ARMH4: variants seen among roughly 807,000 people sequenced by gnomAD.
The protein encoded by ARMH4 is armadillo-like helical domain-containing protein 4.
Under a neutral mutation model 61.9 loss-of-function variants are expected in ARMH4, and 49 were observed. That is an observed-to-expected ratio of 0.79 (90% CI 0.63 to 1.00). The LOEUF is 1.00. Ranked by LOEUF, ARMH4 falls within the 50% of genes least tolerant of loss-of-function variation. The probability of loss-of-function intolerance (pLI) is 0.00; values close to 1 mark genes in which losing one functional copy is unlikely to be tolerated. For missense variants in ARMH4, 934 were observed against 930.0 expected, an observed-to-expected ratio of 1.00 and a Z score of -0.06; for synonymous variants, 368 against 341.5, an observed-to-expected ratio of 1.08 and a Z score of -0.85.
At chr14:58,093,650 CAG>C (rs1885647589) in intron 5 of ARMH4, among the ~76,000 whole-genome samples, 1 of 152,166 alleles carries the variant, frequency 6.6e-6, no homozygotes, top group Non-Finnish European at 1.5e-5. Flanking sequence ...TACCTGACCT[CAG>C]AGTCTTTAGT....
chr14:58,031,288 A>G (rs900527407), intron 5 of ARMH4, among the ~76,000 whole-genome samples: 1 of 152,220 alleles, frequency 6.6e-6, no homozygotes, highest in Non-Finnish European at 1.5e-5. Flanking sequence ...ATATACTTTT[A>G]TGAGTTGCCT....
At chr14:58,141,187 T>A in intron 1 of ARMH4, 1 of 260,652 alleles carries the variant, frequency 3.8e-6, no homozygotes, top group South Asian at 4.5e-5. Flanking sequence ...CAGTTACTTT[T>A]AAGAGTTTTT....
intron 5 of ARMH4, among the ~76,000 whole-genome samples, chr14:58,013,850 C>A (rs1882502556): frequency 6.6e-6 from 1 of 152,042 alleles, no homozygotes. Flanking sequence ...ATGGTGAAAC[C>A]CCGTCTCTAC....
intron 4 of ARMH4, among the ~76,000 whole-genome samples, chr14:58,130,186 C>T (rs1040341797): frequency 7.2e-5 from 11 of 152,208 alleles, no homozygotes; most frequent in South Asian, 2.1e-4. Flanking sequence ...TTATATGAGA[C>T]GCTAAACTCA....
rs113460088 is a variant in ARMH4 at position 58,084,026 on chromosome 14, A to C, written c.2089+12698T>G. 8.9e-3 allele frequency among the ~76,000 whole-genome samples: 1,353 copies of C among 152,330 alleles called. 28 individuals carry two copies. Among genetic ancestry groups the C allele is most frequent in the African/African-American group, 0.03 (1,237 of 41,568 alleles). ...ATTATTGGTGGCCCATCATAAAGTC[A>C]CTAGACCAAGGTTTTAAAGTAAGAG... On this transcript the variant is annotated intron_variant, in intron 5 of 7. Coordinates refer to ENST00000267485, the MANE Select transcript of ARMH4 (RefSeq NM_001001872.4).
In ARMH4 at chr14:58,109,334, GT is replaced by G. The variant is rs376119150; in HGVS notation, c.1832-12354del. 3.2e-3 allele frequency among the ~76,000 whole-genome samples: 482 copies of G among 152,220 alleles called. 1 individual carries two copies. Among genetic ancestry groups the G allele is most frequent in the African/African-American group, 0.011 (469 of 41,542 alleles). ...TTGTGTAGGATGTAGCTTCAATATAGTTTTTTCTATATGGACAACCAATTGT... is the reference window on the plus strand; with the variant it reads ...TTGTGTAGGATGTAGCTTCAATATAGTTTTTCTATATGGACAACCAATTGT... On this transcript the variant is annotated intron_variant, in intron 4 of 7. Transcript: ENST00000267485.
At chr14:58,142,644 G>T (rs2139992339) in intron 1 of ARMH4, among the ~76,000 whole-genome samples, 2 of 152,074 alleles carry the variant, frequency 1.3e-5, no homozygotes, top group East Asian at 3.9e-4. Context: ...GCTAATTTTT[G>T]TATTTTTATT....
At chr14:58,041,202 C>CCCTTTCCTA (rs1883689629) in intron 5 of ARMH4, among the ~76,000 whole-genome samples, 1 of 152,114 alleles carries the variant, frequency 6.6e-6, no homozygotes, top group Non-Finnish European at 1.5e-5. Context: ...TCAGAGAATT[C>CCCTTTCCTA]CCTTTCCTAG....
Position 58,096,928 on chromosome 14 carries a change from C to T in ARMH4, c.1885G>A (p.Glu629Lys), listed in dbSNP as rs372192668. 16 of 1,613,930 alleles carry T rather than the reference C, an allele frequency of 9.9e-6. No individual in the cohort carries two copies. Among genetic ancestry groups the T allele is most frequent in the Non-Finnish European group, 1.4e-5 (16 of 1,179,948 alleles). ...TCTTCCTCATCTTCTTCCTCATCTT[C>T]CTCTTCTTCATCTTCATCTTCTTCA... ...EDEEDEDEEE[E>K]DEEEDEEDKD... The change falls in exon 5 of 8, where the codon GAA (glutamate) becomes AAA (lysine). Residue 629 changes from glutamate to lysine, a missense_variant. Coordinates refer to ENST00000267485, the MANE Select transcript of ARMH4 (RefSeq NM_001001872.4).
chr14:58,007,164 G>A (rs974399965), intron 6 of ARMH4, among the ~76,000 whole-genome samples: 5 of 152,132 alleles, frequency 3.3e-5, no homozygotes, highest in African/African-American at 7.2e-5. Context: ...GGCTTCTCAT[G>A]TACAGTAACA....
rs904198736 is a variant in ARMH4 at position 58,116,372 on chromosome 14, C to A, written c.1831+15140G>T. On this transcript the variant is annotated intron_variant, in intron 4 of 7. Coordinates refer to ENST00000267485, the MANE Select transcript of ARMH4 (RefSeq NM_001001872.4). ...TTTTGGATTCAATTTCCATTTCAGGCAGCTGTTTAAATATTTTCTTGGCTG... is the reference window on the plus strand; with the variant it reads ...TTTTGGATTCAATTTCCATTTCAGGAAGCTGTTTAAATATTTTCTTGGCTG... 6 of 369,216 alleles carry A rather than the reference C, an allele frequency of 1.6e-5. No individual in the cohort carries two copies. The Admixed American group carries it at 1.6e-4, about 10-fold the overall frequency. 22.9% of individuals were successfully genotyped at this position (369,216 alleles called of 1,614,324 possible).
At chr14:58,094,431 G>A (rs1172941772) in intron 5 of ARMH4, among the ~76,000 whole-genome samples, 2 of 151,620 alleles carry the variant, frequency 1.3e-5, no homozygotes, top group Non-Finnish European at 2.9e-5. Flanking sequence ...AGCCTGACAA[G>A]CCTTAAAATT....
At chr14:58,053,467 C>A (rs774476376) in intron 5 of ARMH4, among the ~76,000 whole-genome samples, 5 of 152,164 alleles carry the variant, frequency 3.3e-5, no homozygotes, top group Non-Finnish European at 5.9e-5. Flanking sequence ...TCAAAAACTT[C>A]TTCCTGCCCC....
At chr14:58,137,263 C>T (rs1887333679) in intron 2 of ARMH4, among the ~76,000 whole-genome samples, 1 of 152,104 alleles carries the variant, frequency 6.6e-6, no homozygotes, top group Non-Finnish European at 1.5e-5. Flanking sequence ...ATCTTAGCAC[C>T]CCTCAGTTCT....
intron 6 of ARMH4, 30 bp downstream of exon 6, chr14:58,012,089 T>G: frequency 2.8e-6 from 4 of 1,452,252 alleles, no homozygotes; most frequent in Non-Finnish European, 2.8e-6. Flanking sequence ...CCCCTAAAAA[T>G]AAACCAATGG....
chr14:58,069,986 G>C (rs532463046), intron 5 of ARMH4, among the ~76,000 whole-genome samples: 3 of 152,180 alleles, frequency 2.0e-5, no homozygotes, highest in African/African-American at 7.2e-5. Flanking sequence ...CAGTAAAGAG[G>C]CTCCTGCAAT....
At chr14:58,067,289 G>A (rs1209233281) in intron 5 of ARMH4, among the ~76,000 whole-genome samples, 1 of 152,162 alleles carries the variant, frequency 6.6e-6, no homozygotes, top group African/African-American at 2.4e-5. Flanking sequence ...TACATGGTAG[G>A]TACTGTTCTA....
At chr14:58,150,939 C>T (rs1198262107) in intron 1 of ARMH4, among the ~76,000 whole-genome samples, 1 of 152,068 alleles carries the variant, frequency 6.6e-6, no homozygotes, top group African/African-American at 2.4e-5. Context: ...AAGGAGACTC[C>T]CTGGAGCCCA....
intron 5 of ARMH4, among the ~76,000 whole-genome samples, chr14:58,052,166 C>T (rs1010843053): frequency 2.0e-5 from 3 of 152,120 alleles, no homozygotes; most frequent in Admixed American, 6.6e-5. Context: ...TTCATCTTCC[C>T]AGCTACAAAC....
Sources: allele counts gnomAD v4.1 joint callset (sites outside exome capture counted in the v4.1 genomes callset), GRCh38; gene constraint gnomAD v4.1.1; transcripts MANE v1.5; gene names NCBI Gene and HGNC (gene_info 2026-07-23, HGNC 2026-07-21).